DNAH9: variants seen among roughly 807,000 people sequenced by gnomAD.
DNAH9 encodes DNAH9 variant protein.
Under a neutral mutation model 471.6 loss-of-function variants are expected in DNAH9, and 345 were observed. The observed-to-expected ratio is 0.73, with a 90% CI of 0.67 to 0.80. The LOEUF (loss-of-function observed/expected upper bound fraction) is 0.80, where lower values mean the gene tolerates loss of function less well. DNAH9 is among the 30% of genes least tolerant of loss of function. DNAH9 has a pLI of 0.00. For missense variants in DNAH9, 5,407 were observed against 5,609.2 expected (o/e 0.96, Z 1.15); for synonymous variants, 2,093 against 2,123.6 (o/e 0.99, Z 0.40).
chr17:11,812,284 TTC>T (rs1157228340), intron 45 of DNAH9, among the ~76,000 whole-genome samples: 1 of 151,070 alleles, frequency 6.6e-6, no homozygotes, highest in African/African-American at 2.4e-5. Flanking sequence ...CTCAAAAGCC[TTC>T]TCTCTCTCCA....
intron 4 of DNAH9, among the ~76,000 whole-genome samples, chr17:11,613,724 A>C (rs1231756465): frequency 6.6e-6 from 1 of 152,202 alleles, no homozygotes; most frequent in Non-Finnish European, 1.5e-5. Context: ...AGTTGGGTTA[A>C]ATTGGGAGTC....
In DNAH9 at chr17:11,669,089, A is replaced by G. The variant is rs772074892; in HGVS notation, c.2757A>G (p.Ile919Met). The change falls in exon 16 of 69, where the codon ATA (isoleucine) becomes ATG (methionine). Residue 919 changes from isoleucine to methionine, a missense_variant. By Grantham distance (10) the Ile-to-Met change is conservative (BLOSUM62 1). Coordinates refer to ENST00000262442, the MANE Select transcript of DNAH9 (RefSeq NM_001372.4). ...NTECKAGLTP[I>M]FEAQLSLAIP... ...AGTGTAAGGCAGGACTTACCCCAAT[A>G]TTTGAAGCACAACTGAGTCTAGCCA... The G allele has an allele frequency of 1.2e-6, 2 of 1,613,482 alleles. No homozygotes were observed. Among genetic ancestry groups the G allele is most frequent in the Non-Finnish European group, 1.7e-6 (2 of 1,179,654 alleles).
rs183842210 is a variant in DNAH9 at position 11,804,728 on chromosome 17, G to C, written c.8421-3004G>C. On this transcript the variant is annotated intron_variant, in intron 43 of 68. Transcript: ENST00000262442. The stretch of plus-strand genomic sequence containing the variant: ...TCTCTACTAAAAAAACAAAAAATTA[G>C]CCGAGCGTGGTGGCAGGCACCTGTA... 2.6e-5 allele frequency among the ~76,000 whole-genome samples: 4 copies of C among 152,118 alleles called. No homozygotes were observed. In the East Asian group the frequency reaches 7.8e-4, roughly 29 times the overall value.
At chr17:11,730,952 TG>T (rs1283671685) in intron 28 of DNAH9, among the ~76,000 whole-genome samples, 1 of 135,868 alleles carries the variant, frequency 7.4e-6, no homozygotes, top group African/African-American at 2.7e-5. Flanking sequence ...GTGATGATGA[TG>T]ATGGTGGTGG....
chr17:11,914,255 A>G (rs2190615), intron 61 of DNAH9, among the ~76,000 whole-genome samples: 27,414 of 152,092 alleles, frequency 0.18, 2,741 homozygotes, highest in African/African-American at 0.26. Flanking sequence ...TATTTATCTC[A>G]GGAGAAGAAG....
In DNAH9 at chr17:11,687,851, T is replaced by C. The variant is rs143145759; in HGVS notation, c.3744-1715T>C. Among the ~76,000 whole-genome samples the C allele has an allele frequency of 1.7e-4, 26 of 152,132 alleles. No homozygotes were observed. The East Asian group carries it at 5.0e-3, about 29-fold the overall frequency. ...TGCCCTTGACCATAAAAAAGCCATCTGCAGCCGAGCGGGATGGCTCATGCC... is the reference window on the plus strand; with the variant it reads ...TGCCCTTGACCATAAAAAAGCCATCCGCAGCCGAGCGGGATGGCTCATGCC... On this transcript the variant is annotated intron_variant, in intron 19 of 68. Transcript: ENST00000262442.
rs562625951 is a variant in DNAH9 at position 11,918,193 on chromosome 17, T to C, written c.11750-5621T>C. 2.0e-5 allele frequency among the ~76,000 whole-genome samples: 3 copies of C among 150,698 alleles called. No individual in the cohort carries two copies. The East Asian group carries it at 6.0e-4, about 30-fold the overall frequency. On this transcript the variant is annotated intron_variant, in intron 61 of 68. Coordinates refer to ENST00000262442, the MANE Select transcript of DNAH9 (RefSeq NM_001372.4). ...TGACCCCATTCTTTTTTCTTGTATT[T>C]GGTTGGGTGTTTTTTTGTTTTGTTT...
At chr17:11,667,469 T>G (rs1224773433) in intron 15 of DNAH9, among the ~76,000 whole-genome samples, 1 of 152,182 alleles carries the variant, frequency 6.6e-6, no homozygotes. Context: ...GAATTTGTCA[T>G]CCCTCCAGTT....
chr17:11,688,281 G>T (rs1416758632), intron 19 of DNAH9, among the ~76,000 whole-genome samples: 1 of 152,032 alleles, frequency 6.6e-6, no homozygotes, highest in African/African-American at 2.4e-5. Context: ...ATGAGGAAAT[G>T]TGAACTAAAA....
At position 11,623,481 on chromosome 17, in the gene DNAH9, T is replaced by C. The variant is rs1567672135; in HGVS notation, c.1350+3700T>C. Among the ~76,000 whole-genome samples, 2 of 152,128 alleles carry C rather than the reference T, an allele frequency of 1.3e-5. No individual in the cohort carries two copies. Among genetic ancestry groups the C allele is most frequent in the Non-Finnish European group, 2.9e-5 (2 of 68,038 alleles). ...CATATTTCCTCCCCTCTTTTATTTT[T>C]AATCTCCCAAATGTCTGCTTAGATG... is the stretch of plus-strand genomic sequence containing the variant. On this transcript the variant is annotated intron_variant, in intron 6 of 68. Coordinates refer to ENST00000262442, the MANE Select transcript of DNAH9 (RefSeq NM_001372.4). The surrounding 1 kb of genome is among the most constrained non-coding windows in gnomAD (Gnocchi z 4.1).
At chr17:11,852,236 C>T (rs921394772) in intron 49 of DNAH9, among the ~76,000 whole-genome samples, 1 of 152,164 alleles carries the variant, frequency 6.6e-6, no homozygotes, top group African/African-American at 2.4e-5. Context: ...ATCAAGTTGT[C>T]CCCCCACTGA....
chr17:11,675,484 A>G (rs1040981123), intron 17 of DNAH9, among the ~76,000 whole-genome samples: 1 of 152,164 alleles, frequency 6.6e-6, no homozygotes, highest in African/African-American at 2.4e-5. Flanking sequence ...GTTGAATGAA[A>G]GTGGGGATAA....
At chr17:11,888,160 A>AT (rs1280139700) in intron 57 of DNAH9, among the ~76,000 whole-genome samples, 6 of 151,110 alleles carry the variant, frequency 4.0e-5, no homozygotes, top group African/African-American at 1.5e-4. Context: ...TTTTTTTTGT[A>AT]TTTTTAGTAG....
intron 27 of DNAH9, among the ~76,000 whole-genome samples, chr17:11,726,397 T>C (rs1597549941): frequency 6.6e-6 from 1 of 152,302 alleles, no homozygotes; most frequent in Middle Eastern, 3.4e-3. Context: ...CTAATACAAA[T>C]TGTAAGTAGG....
At chr17:11,880,514 C>T (rs578256564) in intron 54 of DNAH9, among the ~76,000 whole-genome samples, 4 of 152,100 alleles carry the variant, frequency 2.6e-5, no homozygotes, top group Admixed American at 1.3e-4. Flanking sequence ...CTTTTAAGTA[C>T]GAGCATCTTA....
At chr17:11,811,338 G>A (rs1400362001) in intron 45 of DNAH9, among the ~76,000 whole-genome samples, 1 of 151,904 alleles carries the variant, frequency 6.6e-6, no homozygotes, top group South Asian at 2.1e-4. Context: ...AAAGAAAAAG[G>A]TTATAAAACG....
Position 11,690,239 on chromosome 17 carries a change from G to A in DNAH9, c.4417G>A (p.Glu1473Lys), listed in dbSNP as rs764728846. The A allele has an allele frequency of 6.2e-7, 1 of 1,614,200 alleles. No individual in the cohort carries two copies. The highest frequency in any genetic ancestry group is 2.2e-5 in the East Asian group (1 of 44,878). Residue 1473 changes from glutamate (E) to lysine (K), a missense_variant, in exon 20 of 69, where the codon GAG becomes AAG. Glu to Lys is a moderately conservative substitution (Grantham distance 56). Around this residue, in one of 3 missense-constraint regions of DNAH9, gnomAD observed 4,636 missense variants for 4,900.3 expected, o/e 0.95. Transcript: ENST00000262442. Reference protein sequence around the residue: ...CSDEDLIEVLEDNQVQLQNLV... With the variant: ...CSDEDLIEVLKDNQVQLQNLV... Reference sequence around the variant, plus strand: ...TGATGAGGACCTCATAGAGGTTCTGGAGGATAATCAAGTTCAACTTCAGAA... The same window carrying A: ...TGATGAGGACCTCATAGAGGTTCTGAAGGATAATCAAGTTCAACTTCAGAA...
intron 48 of DNAH9, among the ~76,000 whole-genome samples, chr17:11,830,237 T>A (rs899857166): frequency 5.9e-5 from 9 of 152,198 alleles, no homozygotes; most frequent in African/African-American, 1.9e-4. Flanking sequence ...CTTTCCTGAG[T>A]TAGGTTTCAC....
intron 55 of DNAH9, among the ~76,000 whole-genome samples, chr17:11,882,529 T>C (rs1469819804): frequency 1.3e-5 from 2 of 152,096 alleles, no homozygotes; most frequent in African/African-American, 2.4e-5. Context: ...CTGCAATCAT[T>C]CATTCATTGA....
Sources: allele counts gnomAD v4.1 joint callset (sites outside exome capture counted in the v4.1 genomes callset), GRCh38; gene constraint gnomAD v4.1.1; regional missense constraint gnomAD v4.1.1; non-coding constraint Gnocchi (gnomAD v3.1); transcripts MANE v1.5; gene names NCBI Gene and HGNC (gene_info 2026-07-23, HGNC 2026-07-21).